The following VSTM2L variants were observed in gnomAD, a reference collection of about 807,000 sequenced individuals.
The protein encoded by VSTM2L is V-set and transmembrane domain containing 2 like.
A neutral mutation model predicts 19.9 loss-of-function variants in VSTM2L; 9 were observed. The ratio of observed to expected loss-of-function variants is 0.45; its 90% CI spans 0.27 to 0.79. The LOEUF (loss-of-function observed/expected upper bound fraction) is 0.79, where lower values mean the gene tolerates loss of function less well. Ranked by LOEUF, VSTM2L falls within the 30% of genes least tolerant of loss-of-function variation. The probability of loss-of-function intolerance (pLI) is 0.15; values close to 1 mark genes in which losing one functional copy is unlikely to be tolerated. For missense variants in VSTM2L, 286 were observed against 295.5 expected (o/e 0.97, Z 0.24); for synonymous variants, 127 against 133.8 (o/e 0.95, Z 0.35).
At position 37,944,329 on chromosome 20, in the gene VSTM2L, C is replaced by T. The variant is rs1467499796; in HGVS notation, c.*76C>T. ...GAGGAGCCGCCGGACCACCGGGGAC[C>T]GACTGCCTGCGTCCAGCCGCGCCCC... On this transcript the variant is annotated 3_prime_UTR_variant, in exon 4 of 4. Coordinates refer to ENST00000373461, the MANE Select transcript of VSTM2L (RefSeq NM_080607.3). The T allele has an allele frequency of 4.5e-6, 6 of 1,333,526 alleles. No homozygotes were observed. The highest frequency in any genetic ancestry group is 3.0e-5 in the African/African-American group (2 of 66,508). 82.6% of individuals were successfully genotyped at this position (1,333,526 alleles called of 1,614,324 possible). A position where few individuals can be genotyped will look rare whatever the true frequency, so the allele number is the denominator to read the frequency against.
chr20:37,933,996 G>T (rs74868674), intron 3 of VSTM2L, among the ~76,000 whole-genome samples: 1,558 of 152,350 alleles, frequency 0.01, 26 homozygotes, highest in African/African-American at 0.036. Flanking sequence ...GACGGGGTGG[G>T]GGCACCCTAG....
At chr20:37,903,637 A>G (rs2072734680) in intron 1 of VSTM2L, among the ~76,000 whole-genome samples, 166 bp downstream of exon 1, 2 of 152,070 alleles carry the variant, frequency 1.3e-5, no homozygotes, top group Non-Finnish European at 2.9e-5. Context: ...GGCCCTGCAG[A>G]GAAGGGGGCA....
In VSTM2L at chr20:37,921,852, T is replaced by C. The variant is rs1429386130; in HGVS notation, c.122-9783T>C. The stretch of plus-strand genomic sequence containing the variant: ...TCTTTCTTTTCCTTTTTTTTTTTTT[T>C]TTTTTTTTGAGATGGAGTCTTGCTC... On this transcript the variant is annotated intron_variant, in intron 1 of 3. Coordinates refer to ENST00000373461, the MANE Select transcript of VSTM2L (RefSeq NM_080607.3). Among the ~76,000 whole-genome samples the C allele has an allele frequency of 3.0e-4, 42 of 137,716 alleles. 1 individual carries two copies. In the South Asian group the frequency reaches 0.01, roughly 34 times the overall value. 90.3% of individuals were successfully genotyped at this position (137,716 alleles called of 152,430 possible).
At chr20:37,924,502 C>T (rs1600567774) in intron 1 of VSTM2L, among the ~76,000 whole-genome samples, 2 of 147,726 alleles carry the variant, frequency 1.4e-5, no homozygotes, top group African/African-American at 5.0e-5. Flanking sequence ...TGCAGTGAGC[C>T]GAGATGGCAC....
chr20:37,913,882 AGTGGGGAGG>A (rs755554808), intron 1 of VSTM2L, among the ~76,000 whole-genome samples: 4 of 152,056 alleles, frequency 2.6e-5, no homozygotes, highest in Non-Finnish European at 5.9e-5. Flanking sequence ...AAGCCTTCTG[AGTGGGGAGG>A]GCGCACGGCC....
chr20:37,906,285 A>C (rs2072751672), intron 1 of VSTM2L, among the ~76,000 whole-genome samples: 1 of 152,066 alleles, frequency 6.6e-6, no homozygotes, highest in African/African-American at 2.4e-5. Context: ...TACTTGGAAG[A>C]GGGCTTTTTC....
At chr20:37,917,094 A>T (rs116885431) in intron 1 of VSTM2L, among the ~76,000 whole-genome samples, 240 of 152,268 alleles carry the variant, frequency 1.6e-3, no homozygotes, top group Non-Finnish European at 2.6e-3. Flanking sequence ...CGGGCGGATC[A>T]CGAGGTCAGG....
intron 1 of VSTM2L, among the ~76,000 whole-genome samples, chr20:37,923,137 T>A (rs766039155): frequency 2.6e-5 from 4 of 152,180 alleles, no homozygotes; most frequent in Non-Finnish European, 5.9e-5. Context: ...ACCGAGGCTC[T>A]GAGAAGCAAA....
chr20:37,926,553 A>C (rs1403522095), intron 1 of VSTM2L, among the ~76,000 whole-genome samples: 1 of 152,216 alleles, frequency 6.6e-6, no homozygotes, highest in Admixed American at 6.5e-5. Flanking sequence ...AAAGAAAGAA[A>C]AAAGAGAAAT....
intron 1 of VSTM2L, among the ~76,000 whole-genome samples, chr20:37,920,371 T>C (rs1458060783): frequency 6.6e-6 from 1 of 152,244 alleles, no homozygotes; most frequent in Non-Finnish European, 1.5e-5. Context: ...ATCAGAAAGA[T>C]GATGCCACGG....
In VSTM2L at chr20:37,903,349, C is replaced by T. The variant is rs140613830; in HGVS notation, c.-2C>T. 8 of 1,460,902 alleles carry T rather than the reference C, an allele frequency of 5.5e-6. No individual in the cohort carries two copies. Among genetic ancestry groups the T allele is most frequent in the Non-Finnish European group, 7.2e-6 (8 of 1,112,594 alleles). 90.5% of individuals were successfully genotyped at this position (1,460,902 alleles called of 1,614,324 possible). A position where few individuals can be genotyped will look rare whatever the true frequency, so the allele number is the denominator to read the frequency against. On this transcript the variant is annotated 5_prime_UTR_variant, in exon 1 of 4. It adds an upstream start codon to the 5' untranslated region. Transcript: ENST00000373461. ...GCGGCGCCCCCGGCCCGAGAGCGCA[C>T]GATGGGGGCCCCGCTCGCCGTAGCG...
chr20:37,935,910 G>C (rs1206620832), intron 3 of VSTM2L, among the ~76,000 whole-genome samples: 2 of 147,040 alleles, frequency 1.4e-5, no homozygotes, highest in African/African-American at 5.0e-5. Context: ...TTGAGATGGA[G>C]TTTCACTGTT....
chr20:37,932,017 G>A (rs150287674), intron 2 of VSTM2L, among the ~76,000 whole-genome samples: 16 of 152,308 alleles, frequency 1.1e-4, no homozygotes, highest in Admixed American at 3.3e-4. Context: ...GGCAGAGCTA[G>A]GCTGAGCACG....
chr20:37,940,878 T>G (rs2072968238), intron 3 of VSTM2L, among the ~76,000 whole-genome samples: 2 of 152,192 alleles, frequency 1.3e-5, no homozygotes, highest in South Asian at 4.1e-4. Context: ...TTGTGAGAAC[T>G]CACTCACTAT....
At position 37,940,146 on chromosome 20, in the gene VSTM2L, G is replaced by A. The variant is rs139112198; in HGVS notation, c.343-3835G>A. ...GACAAATGAAGGATAATTAATATCC[G>A]TGAGGGAAGCAGATGTTGAGGTAAT... On this transcript the variant is annotated intron_variant, in intron 3 of 3. Coordinates refer to ENST00000373461, the MANE Select transcript of VSTM2L (RefSeq NM_080607.3). Among the ~76,000 whole-genome samples the A allele has an allele frequency of 7.2e-4, 109 of 152,356 alleles. No homozygotes were observed. In the East Asian group the frequency reaches 8.3e-3, roughly 12 times the overall value.
chr20:37,903,159 G>A lies in VSTM2L; in HGVS notation c.-192G>A. 1.4e-6 allele frequency: 1 copy of A among 711,972 alleles called. No homozygotes were observed. The highest frequency in any genetic ancestry group is 1.9e-6 in the Non-Finnish European group (1 of 529,738). 44.1% of individuals were successfully genotyped at this position (711,972 alleles called of 1,614,324 possible). A position where few individuals can be genotyped will look rare whatever the true frequency, so the allele number is the denominator to read the frequency against. On this transcript the variant is annotated 5_prime_UTR_variant, in exon 1 of 4. Coordinates refer to ENST00000373461, the MANE Select transcript of VSTM2L (RefSeq NM_080607.3). The stretch of plus-strand genomic sequence containing the variant: ...GAGGCGGCCGGCTGGGCGTGCGCTC[G>A]CTCCCCGAAGCCGGGGCTGGGCCGG...
intron 1 of VSTM2L, among the ~76,000 whole-genome samples, chr20:37,928,089 T>TCCCTCCACTGTCTTTTGA (rs2122962876): frequency 6.6e-6 from 1 of 152,236 alleles, no homozygotes; most frequent in Non-Finnish European, 1.5e-5. Context: ...CACAGCCGTG[T>TCCCTCCACTGTCTTTTGA]CCCTCCACTG....
chr20:37,921,839 T>TC (rs1491543750), intron 1 of VSTM2L, among the ~76,000 whole-genome samples: 3 of 60,280 alleles, frequency 5.0e-5, no homozygotes, highest in Non-Finnish European at 9.5e-5. Context: ...TTTCTTTTCC[T>TC]TTTTTTTTTT....
At chr20:37,916,886 T>G (rs1323416809) in intron 1 of VSTM2L, among the ~76,000 whole-genome samples, 7 of 152,178 alleles carry the variant, frequency 4.6e-5, no homozygotes. Context: ...AATGTGAGAA[T>G]GCAGATTTGA....
Sources: gnomAD v4.1 joint callset for allele counts (sites outside exome capture counted in the v4.1 genomes callset) on GRCh38, gnomAD v4.1.1 for gene constraint, MANE v1.5 for transcripts, NCBI Gene and HGNC (gene_info 2026-07-23, HGNC 2026-07-21) for gene names.